ALPK2: variants seen among roughly 807,000 people sequenced by gnomAD.
ALPK2 encodes alpha kinase 2.
In ALPK2, 127 loss-of-function variants were observed where a neutral mutation model predicts 163.1. The ratio of observed to expected loss-of-function variants is 0.78; its 90% confidence interval spans 0.67 to 0.90. The LOEUF is 0.90. ALPK2 is among the 40% of genes least tolerant of loss of function. The pLI is 0.00. For synonymous variants in ALPK2, 953 were observed against 959.1 expected (o/e 0.99, Z 0.12); for missense variants, 2,360 against 2,589.6 (o/e 0.91, Z 1.92).
chr18:58,497,993 G>A lies in ALPK2; in HGVS notation c.6296+56C>T, dbSNP rs867003575. ...ACCTCAGCCTGACAGTGTCTGCCTG[G>A]AAGGTGTCTGTAAGCCCAGTGTTAA... is the stretch of plus-strand genomic sequence containing the variant. On this transcript the variant is annotated intron_variant, in intron 12 of 12. Coordinates refer to ENST00000361673, the MANE Select transcript of ALPK2 (RefSeq NM_052947.4). 154 of 1,530,986 alleles carry A rather than the reference G, an allele frequency of 1.0e-4. No individual in the cohort carries two copies. The Middle Eastern group carries it at 1.2e-3, about 12-fold the overall frequency. 94.8% of individuals were successfully genotyped at this position (1,530,986 alleles called of 1,614,324 possible). A position where few individuals can be genotyped will look rare whatever the true frequency, so the allele number is the denominator to read the frequency against.
At chr18:58,483,389 G>C (rs76260939) in intron 12 of ALPK2, among the ~76,000 whole-genome samples, 3,678 of 152,212 alleles carry the variant, frequency 0.024, 159 homozygotes, top group African/African-American at 0.084. Context: ...ATCCTGCACT[G>C]TCTGGCTGCA....
chr18:58,527,634 G>A (rs929932932), intron 6 of ALPK2, among the ~76,000 whole-genome samples: 1 of 152,206 alleles, frequency 6.6e-6, no homozygotes. Context: ...TTGGCTGACA[G>A]CTTCAGAAAA....
chr18:58,615,313 T>C (rs1182781343), intron 1 of ALPK2, among the ~76,000 whole-genome samples: 6 of 151,804 alleles, frequency 4.0e-5, no homozygotes, highest in Non-Finnish European at 8.8e-5. Flanking sequence ...AGGGGGACAG[T>C]GGCGGGCAGG....
intron 4 of ALPK2, among the ~76,000 whole-genome samples, chr18:58,566,933 A>G (rs1489919679): frequency 6.6e-6 from 1 of 152,200 alleles, no homozygotes; most frequent in Non-Finnish European, 1.5e-5. Flanking sequence ...AGATCCATCT[A>G]ACTGAGCCCA....
chr18:58,531,736 T>C (rs186264220), intron 5 of ALPK2, among the ~76,000 whole-genome samples: 3 of 149,724 alleles, frequency 2.0e-5, no homozygotes, highest in African/African-American at 7.4e-5. Flanking sequence ...TCAAGAGATC[T>C]AGACCATCCT....
chr18:58,485,467 C>T (rs1398528416), intron 12 of ALPK2, among the ~76,000 whole-genome samples: 1 of 152,218 alleles, frequency 6.6e-6, no homozygotes, highest in Non-Finnish European at 1.5e-5. Flanking sequence ...AATCCAGCTG[C>T]CCCTCCTCCT....
chr18:58,487,940 G>A (rs1405561740), intron 12 of ALPK2, among the ~76,000 whole-genome samples: 1 of 152,188 alleles, frequency 6.6e-6, no homozygotes, highest in Non-Finnish European at 1.5e-5. Context: ...GATGAGAGTG[G>A]TCCCTGCGAA....
At chr18:58,505,191 G>A (rs1302149519) in intron 10 of ALPK2, among the ~76,000 whole-genome samples, 2 of 152,128 alleles carry the variant, frequency 1.3e-5, no homozygotes, top group Non-Finnish European at 2.9e-5. Flanking sequence ...CCGGGGCCAG[G>A]TAATGATGTC....
intron 4 of ALPK2, among the ~76,000 whole-genome samples, chr18:58,550,121 T>C (rs2051743335): frequency 6.6e-6 from 1 of 152,010 alleles, no homozygotes; most frequent in Admixed American, 6.5e-5. Flanking sequence ...TAGAAAACTC[T>C]CTCAACAAAG....
At chr18:58,608,686 G>A (rs1005351638) in intron 2 of ALPK2, among the ~76,000 whole-genome samples, 2 of 152,132 alleles carry the variant, frequency 1.3e-5, no homozygotes, top group Non-Finnish European at 2.9e-5. Flanking sequence ...GGTGGTTCAC[G>A]CCTATAATCC....
chr18:58,607,308 G>T lies in ALPK2; in HGVS notation c.227+14C>A, dbSNP rs375463388. The T allele has an allele frequency of 1.4e-4, 211 of 1,561,928 alleles. No homozygotes were observed. Among genetic ancestry groups the T allele is most frequent in the African/African-American group, 5.4e-4 (40 of 73,656 alleles). On this transcript the variant is annotated intron_variant, in intron 3 of 12. Transcript: ENST00000361673. ...GGATATTAGTAAACAGTCCACAGGG[G>T]TATAGCCACTTACCAAGAGAGATGT...
intron 10 of ALPK2, among the ~76,000 whole-genome samples, chr18:58,508,240 A>G (rs1393848495): frequency 6.6e-6 from 1 of 152,092 alleles, no homozygotes; most frequent in African/African-American, 2.4e-5. Context: ...AACAAAAAAA[A>G]CCCAGGCCTC....
rs200129061 is a variant in ALPK2, at chr18:58,580,080, G to A, written c.696C>T (p.His232=). The A allele has an allele frequency of 1.3e-4, 216 of 1,614,160 alleles. 1 individual carries two copies. The highest frequency in any genetic ancestry group is 8.2e-4 in the Middle Eastern group (5 of 6,084). ...TTGATGCCATGGAATGCACTGTCTT[G>A]TGGCAACATCTGTCTTGTTTTTCAT... ...HIYEKQDRCC[H]KTVHSMASKF... The change falls in exon 4 of 13, where the codon CAC becomes CAT. Residue 232 remains histidine (H), a synonymous_variant. Transcript: ENST00000361673.
chr18:58,508,766 G>T (rs1344322029), intron 10 of ALPK2, among the ~76,000 whole-genome samples: 3 of 152,072 alleles, frequency 2.0e-5, no homozygotes, highest in African/African-American at 7.2e-5. Context: ...TAATAAACAG[G>T]CTTTCACTTT....
rs1256883340 is a variant in ALPK2, at chr18:58,535,548, T to C, written c.4639A>G (p.Ile1547Val). ...PTSPLSSCLP[I>V]MTHASLGVDT... ...ACCCCAAGAGAAGCGTGAGTCATTA[T>C]TGGAAGACAACTAGAAAGAGGTGAA... The change falls in exon 5 of 13, where the codon ATA becomes GTA. Residue 1547 changes from isoleucine to valine, a missense_variant. Coordinates refer to ENST00000361673, the MANE Select transcript of ALPK2 (RefSeq NM_052947.4). 5 of 1,614,216 alleles carry C rather than the reference T, an allele frequency of 3.1e-6. No individual in the cohort carries two copies. The Admixed American group carries it at 5.0e-5, about 16-fold the overall frequency.
At chr18:58,558,897 T>C (rs1243939942) in intron 4 of ALPK2, among the ~76,000 whole-genome samples, 2 of 152,162 alleles carry the variant, frequency 1.3e-5, no homozygotes, top group African/African-American at 2.4e-5. Context: ...ACAGAAAGTA[T>C]AGTAGGATTT....
chr18:58,549,705 T>C (rs935828890), intron 4 of ALPK2, among the ~76,000 whole-genome samples: 1 of 152,104 alleles, frequency 6.6e-6, no homozygotes, highest in Non-Finnish European at 1.5e-5. Context: ...GAGTGGAAAA[T>C]AACAAAATTT....
At chr18:58,627,342 C>T (rs1467510771) in intron 1 of ALPK2, among the ~76,000 whole-genome samples, 1 of 152,202 alleles carries the variant, frequency 6.6e-6, no homozygotes, top group Non-Finnish European at 1.5e-5. Context: ...CAATGTAGGC[C>T]AGGCGCGGTG....
intron 4 of ALPK2, among the ~76,000 whole-genome samples, chr18:58,567,235 A>AG (rs1491129550): frequency 1.3e-4 from 19 of 151,420 alleles, no homozygotes; most frequent in Non-Finnish European, 2.7e-4. Context: ...AAAAAAAAAA[A>AG]AGGCCGGGCG....
Sources: gnomAD v4.1 joint callset for allele counts (sites outside exome capture counted in the v4.1 genomes callset) on GRCh38, gnomAD v4.1.1 for gene constraint, MANE v1.5 for transcripts, NCBI Gene and HGNC (gene_info 2026-07-23, HGNC 2026-07-21) for gene names.